The following NGF variants were observed in gnomAD, a reference collection of about 807,000 sequenced individuals.
The protein encoded by NGF is nerve growth factor.
NGF carries 4 observed loss-of-function variants against 12.8 expected under a neutral mutation model. The observed-to-expected ratio is 0.31, with a 90% CI of 0.15 to 0.72. NGF has a LOEUF of 0.72. Ranked by LOEUF, NGF falls within the 30% of genes least tolerant of loss-of-function variation. The pLI, the probability that NGF is intolerant of heterozygous loss-of-function variation, is 0.69. For synonymous variants in NGF, 140 were observed against 130.0 expected (o/e 1.08, Z -0.52); for missense variants, 283 against 330.8 (o/e 0.86, Z 1.12).
intron 1 of NGF, among the ~76,000 whole-genome samples, chr1:115,333,714 TTTTC>T (rs1308960063): frequency 2.0e-5 from 1 of 51,106 alleles, no homozygotes; most frequent in Admixed American, 1.8e-4. Flanking sequence ...TCTTTCTTTC[TTTTC>T]TTTCTTTCCT....
chr1:115,292,786 G>GATA (rs1426438948), intron 2 of NGF, among the ~76,000 whole-genome samples: 5 of 152,144 alleles, frequency 3.3e-5, no homozygotes, highest in African/African-American at 1.2e-4. Flanking sequence ...CATAAATCCA[G>GATA]ATATTAGGGA....
rs143055979 is a variant in NGF, at chr1:115,322,098, T to C, written c.-137+16106A>G. Among the ~76,000 whole-genome samples, 12 of 152,322 alleles carry C rather than the reference T, an allele frequency of 7.9e-5. No homozygotes were observed. In the East Asian group the frequency reaches 2.3e-3, roughly 29 times the overall value. On this transcript the variant is annotated intron_variant, in intron 1 of 2. Transcript: ENST00000369512. ...TTTTATAAAGTTTTGGTACCTTTGA[T>C]CATAAATGAGACAACCCTACAATTT...
chr1:115,323,512 T>C (rs1654684732), intron 1 of NGF, among the ~76,000 whole-genome samples: 1 of 152,176 alleles, frequency 6.6e-6, no homozygotes, highest in African/African-American at 2.4e-5. Flanking sequence ...AACCTTATCA[T>C]AGCCTCAGCC....
At chr1:115,335,256 T>A (rs1264611415) in intron 1 of NGF, among the ~76,000 whole-genome samples, 1 of 152,212 alleles carries the variant, frequency 6.6e-6, no homozygotes. Flanking sequence ...CCTCAGTTTC[T>A]CCATTCACAT....
At chr1:115,292,821 A>G (rs1171153052) in intron 2 of NGF, among the ~76,000 whole-genome samples, 2 of 152,164 alleles carry the variant, frequency 1.3e-5, no homozygotes, top group East Asian at 1.9e-4. Context: ...AATTGTTTTC[A>G]TATCTGCTTT....
intron 1 of NGF, among the ~76,000 whole-genome samples, chr1:115,318,266 A>G (rs929734102): frequency 6.6e-6 from 1 of 152,204 alleles, no homozygotes; most frequent in African/African-American, 2.4e-5. Flanking sequence ...TGCCCTAGAC[A>G]GGACACAACC....
chr1:115,299,371 AGTT>A (rs1403509890), intron 1 of NGF, among the ~76,000 whole-genome samples: 1 of 152,162 alleles, frequency 6.6e-6, no homozygotes, highest in East Asian at 1.9e-4. Flanking sequence ...GGTAGGAAGA[AGTT>A]GTTGTGGTTG....
rs985498627 is a variant in NGF, at chr1:115,286,158, A to G, written c.638T>C (p.Met213Thr). ...CCGCCAGGCAGCCTGCTTGCCATCC[A>G]TGGTCAGCGCCTTGACAAAGGTGTG... ...TTHTFVKALT[M>T]DGKQAAWRFI... The change falls in exon 3 of 3, where the codon ATG (methionine) becomes ACG (threonine). Residue 213 changes from methionine to threonine, a missense_variant. Physicochemically the swap from Met to Thr is moderately conservative, Grantham distance 81 (BLOSUM62 -1). This residue lies in a region of NGF where 132 missense variants were observed against 189.2 expected (regional missense o/e 0.70). Coordinates refer to ENST00000369512, the MANE Select transcript of NGF (RefSeq NM_002506.3). 1.6e-5 allele frequency: 26 copies of G among 1,613,720 alleles called. No homozygotes were observed. The highest frequency in any genetic ancestry group is 2.7e-5 in the African/African-American group (2 of 74,876).
intron 1 of NGF, among the ~76,000 whole-genome samples, chr1:115,309,428 T>C (rs1321317789): frequency 6.6e-6 from 1 of 152,214 alleles, no homozygotes; most frequent in Non-Finnish European, 1.5e-5. Flanking sequence ...ATGAATAGCT[T>C]TTAAAATTAT....
At chr1:115,309,583 A>G (rs1654288536) in intron 1 of NGF, among the ~76,000 whole-genome samples, 1 of 151,658 alleles carries the variant, frequency 6.6e-6, no homozygotes, top group African/African-American at 2.4e-5. Flanking sequence ...CTGGCTCCTG[A>G]CTCCCTGAAA....
At chr1:115,298,981 C>T (rs78701042) in intron 1 of NGF, among the ~76,000 whole-genome samples, 1,820 of 152,212 alleles carry the variant, frequency 0.012, 39 homozygotes, top group African/African-American at 0.041. Context: ...TTAGTCCTTA[C>T]CCTGAGTCTG....
At chr1:115,290,622 T>C (rs1242520835) in intron 2 of NGF, among the ~76,000 whole-genome samples, 1 of 152,096 alleles carries the variant, frequency 6.6e-6, no homozygotes, top group African/African-American at 2.4e-5. Flanking sequence ...TCTTGATCTC[T>C]GATCTCGTGA....
At chr1:115,335,954 G>A (rs529582604) in intron 1 of NGF, among the ~76,000 whole-genome samples, 3 of 152,118 alleles carry the variant, frequency 2.0e-5, no homozygotes, top group East Asian at 1.9e-4. Flanking sequence ...AACTTCCCTC[G>A]GGCTCCAGCC....
chr1:115,301,118 G>A (rs1654021916), intron 1 of NGF, among the ~76,000 whole-genome samples: 1 of 152,128 alleles, frequency 6.6e-6, no homozygotes. Context: ...TTTTAAGGTT[G>A]ATTTGATAAT....
chr1:115,294,606 G>A (rs1488588145), intron 1 of NGF, among the ~76,000 whole-genome samples: 1 of 152,188 alleles, frequency 6.6e-6, no homozygotes, highest in Non-Finnish European at 1.5e-5. Flanking sequence ...GCAATTACAG[G>A]GTCTGATGAT....
intron 1 of NGF, among the ~76,000 whole-genome samples, chr1:115,307,862 C>A (rs1476783293): frequency 6.6e-6 from 1 of 152,200 alleles, no homozygotes; most frequent in East Asian, 1.9e-4. Context: ...CATTGCAGGG[C>A]CACTGGGCTG....
intron 1 of NGF, among the ~76,000 whole-genome samples, chr1:115,325,520 G>C (rs1037324721): frequency 6.6e-6 from 1 of 152,050 alleles, no homozygotes; most frequent in Non-Finnish European, 1.5e-5. Context: ...TGTCCCCTAG[G>C]AGAAAAATCA....
At chr1:115,326,327 G>A (rs982368398) in intron 1 of NGF, among the ~76,000 whole-genome samples, 1 of 152,138 alleles carries the variant, frequency 6.6e-6, no homozygotes. Flanking sequence ...TGTGTTCAAT[G>A]GTGGTGGCAA....
chr1:115,324,405 C>A (rs1269782393), intron 1 of NGF, among the ~76,000 whole-genome samples: 1 of 152,162 alleles, frequency 6.6e-6, no homozygotes, highest in Non-Finnish European at 1.5e-5. Flanking sequence ...CTCTTCACCC[C>A]AGGATGAGCC....
Sources: gnomAD v4.1 joint callset for allele counts (sites outside exome capture counted in the v4.1 genomes callset) on GRCh38, gnomAD v4.1.1 for gene constraint, gnomAD v4.1.1 regional missense constraint, MANE v1.5 for transcripts, NCBI Gene and HGNC (gene_info 2026-07-23, HGNC 2026-07-21) for gene names.